The following ACVR2A variants were observed in gnomAD, a reference collection of about 807,000 sequenced individuals.
ACVR2A encodes the protein activin A receptor type 2A, also known as activin receptor type-2A.
In ACVR2A, 7 loss-of-function variants were observed where a neutral mutation model predicts 61.4. The observed-to-expected ratio is 0.11, with a 90% CI of 0.06 to 0.21. The LOEUF (loss-of-function observed/expected upper bound fraction) is 0.21, where lower values mean the gene tolerates loss of function less well. Ranked by LOEUF, ACVR2A falls within the 10% of genes least tolerant of loss-of-function variation. The probability of loss-of-function intolerance (pLI) is 1.00; values close to 1 mark genes in which losing one functional copy is unlikely to be tolerated. For synonymous variants in ACVR2A, 193 were observed against 208.3 expected (o/e 0.93, Z 0.63); for missense variants, 322 against 621.7 (o/e 0.52, Z 5.13).
chr2:147,858,536 C>A (rs1279951156), intron 1 of ACVR2A, among the ~76,000 whole-genome samples: 1 of 152,118 alleles, frequency 6.6e-6, no homozygotes, highest in Non-Finnish European at 1.5e-5. Flanking sequence ...CTTTTTATTC[C>A]TCTGAGCTTT....
At chr2:147,863,784 A>G (rs1177323378) in intron 1 of ACVR2A, among the ~76,000 whole-genome samples, 2 of 152,180 alleles carry the variant, frequency 1.3e-5, no homozygotes, top group East Asian at 3.9e-4. Context: ...GTAATTGTCC[A>G]TAGCTGCTTA....
At chr2:147,876,788 T>G (rs930043285) in intron 1 of ACVR2A, among the ~76,000 whole-genome samples, 10 of 152,158 alleles carry the variant, frequency 6.6e-5, no homozygotes, top group Admixed American at 6.6e-4. Context: ...GTCTTAAAAT[T>G]TAGTGGAAGG....
chr2:147,927,582 T>C lies in ACVR2A; in HGVS notation c.*308T>C, dbSNP rs1687533484. The C allele has an allele frequency of 4.8e-6, 1 of 208,262 alleles. No homozygotes were observed. The highest frequency in any genetic ancestry group is 9.5e-6 in the Non-Finnish European group (1 of 105,452). 12.9% of individuals were successfully genotyped at this position (208,262 alleles called of 1,614,324 possible). A position where few individuals can be genotyped will look rare whatever the true frequency, so the allele number is the denominator to read the frequency against. On this transcript the variant is annotated 3_prime_UTR_variant, in exon 11 of 11. Transcript: ENST00000241416. Reference sequence around the variant, plus strand: ...TTTTGGACCTGGCTAATGGAGTGTTTGAAAACTGACATCAGATTTCTTAAT... The same window carrying C: ...TTTTGGACCTGGCTAATGGAGTGTTCGAAAACTGACATCAGATTTCTTAAT...
At chr2:147,871,413 A>T (rs35745756) in intron 1 of ACVR2A, among the ~76,000 whole-genome samples, 1,960 of 152,260 alleles carry the variant, frequency 0.013, 13 homozygotes, top group South Asian at 0.03. Context: ...CTGAAGGGAC[A>T]TCAAGAAATA....
In ACVR2A at chr2:147,917,690, A is replaced by G. The variant is rs150142399; in HGVS notation, c.816+264A>G. On this transcript the variant is annotated intron_variant, in intron 6 of 10. Transcript: ENST00000241416. Reference sequence around the variant, plus strand: ...TATTTCTTGTGCTGTAATTACTCTTACAAACATTTATTTTAGTGTAGGTAA... The same window carrying G: ...TATTTCTTGTGCTGTAATTACTCTTGCAAACATTTATTTTAGTGTAGGTAA... Among the ~76,000 whole-genome samples the G allele has an allele frequency of 1.3e-3, 191 of 152,098 alleles. 1 individual carries two copies. The highest frequency in any genetic ancestry group is 4.2e-3 in the African/African-American group (175 of 41,558).
At position 147,929,158 on chromosome 2, in the gene ACVR2A, A is replaced by G. The variant is rs2105228942; in HGVS notation, c.*1884A>G. 1 of 152,392 alleles carries G rather than the reference A, an allele frequency of 6.6e-6. No homozygotes were observed. The highest frequency in any genetic ancestry group is 2.1e-4 in the South Asian group (1 of 4,828). The allele number at this position is 152,392 out of a possible 1,614,324, so 9.4% of individuals were successfully genotyped here. ...ATTCAGAACTGTCACGTGTGTCCCCATGGTCTCATTCATTGTATTCCTAGC... is the reference window on the plus strand; with the variant it reads ...ATTCAGAACTGTCACGTGTGTCCCCGTGGTCTCATTCATTGTATTCCTAGC... On this transcript the variant is annotated 3_prime_UTR_variant, in exon 11 of 11. Coordinates refer to ENST00000241416, the MANE Select transcript of ACVR2A (RefSeq NM_001616.5).
chr2:147,880,430 CA>C (rs1194489398), intron 1 of ACVR2A, among the ~76,000 whole-genome samples: 3 of 151,906 alleles, frequency 2.0e-5, no homozygotes, highest in East Asian at 1.9e-4. Context: ...AGTTTTAAGA[CA>C]AAAATCTACT....
In ACVR2A at chr2:147,929,646, A is replaced by ACTTT. The variant is rs1687608838; in HGVS notation, c.*2377_*2380dup. The ACTTT allele has an allele frequency of 6.6e-6, 1 of 152,368 alleles. No individual in the cohort carries two copies. The allele number at this position is 152,368 out of a possible 1,614,324, so 9.4% of individuals were successfully genotyped here. A position where few individuals can be genotyped will look rare whatever the true frequency, so the allele number is the denominator to read the frequency against. The stretch of plus-strand genomic sequence containing the variant: ...TGTCCTTATACCTAGTCTTGTTAAA[A>ACTTT]CTTTCTTTTGCAGGGTATTTAGTGT... On this transcript the variant is annotated 3_prime_UTR_variant, in exon 11 of 11. Transcript: ENST00000241416.
intron 4 of ACVR2A, among the ~76,000 whole-genome samples, chr2:147,900,971 A>T (rs1686859740): frequency 1.3e-5 from 2 of 152,088 alleles, no homozygotes; most frequent in African/African-American, 2.4e-5. Flanking sequence ...GATTCCCATA[A>T]TCCTTGTAAG....
intron 1 of ACVR2A, among the ~76,000 whole-genome samples, chr2:147,886,768 C>T (rs1186206882): frequency 6.8e-6 from 1 of 146,670 alleles, no homozygotes; most frequent in Non-Finnish European, 1.5e-5. Flanking sequence ...ACCCTAGTGG[C>T]ATCTTTTTTT....
At chr2:147,859,443 C>T (rs567401011) in intron 1 of ACVR2A, among the ~76,000 whole-genome samples, 2 of 150,154 alleles carry the variant, frequency 1.3e-5, no homozygotes, top group East Asian at 3.9e-4. Context: ...CTGCAGATTA[C>T]AGCCCATTTG....
At chr2:147,846,014 G>T (rs1003834773) in intron 1 of ACVR2A, among the ~76,000 whole-genome samples, 2 of 152,152 alleles carry the variant, frequency 1.3e-5, no homozygotes, top group African/African-American at 4.8e-5. Flanking sequence ...TTAGCTCAAG[G>T]TTGGGGGAAT....
chr2:147,882,241 G>T (rs1558801457), intron 1 of ACVR2A, among the ~76,000 whole-genome samples: 1 of 152,148 alleles, frequency 6.6e-6, no homozygotes, highest in Non-Finnish European at 1.5e-5. Flanking sequence ...TAATTTGTCA[G>T]GAATTAACAT....
intron 5 of ACVR2A, 34 bp from the exon 6 acceptor site, chr2:147,917,249 T>G: frequency 6.2e-7 from 1 of 1,602,520 alleles, no homozygotes; most frequent in Non-Finnish European, 8.5e-7. Context: ...CCTGTATTCC[T>G]TGTGTTCTTA....
chr2:147,849,366 T>A (rs1311322199), intron 1 of ACVR2A, among the ~76,000 whole-genome samples: 1 of 152,202 alleles, frequency 6.6e-6, no homozygotes, highest in Non-Finnish European at 1.5e-5. Flanking sequence ...CACTATTACA[T>A]GTTCCCTGAA....
chr2:147,918,539 A>G lies in ACVR2A; in HGVS notation c.909A>G (p.Leu303=), dbSNP rs775409219. The G allele has an allele frequency of 1.2e-6, 2 of 1,612,524 alleles. No homozygotes were observed. Among genetic ancestry groups the G allele is most frequent in the South Asian group, 2.2e-5 (2 of 90,962 alleles). ...CCATGGCTAGAGGATTGGCATATTT[A>G]CATGAGGATATACCTGGCCTAAAAG... ...AETMARGLAY[L]HEDIPGLKDG... is the part of the protein sequence containing the mutation. The change falls in exon 7 of 11, where the codon TTA becomes TTG. Residue 303 remains leucine (L), a synonymous_variant. Transcript: ENST00000241416.
At chr2:147,883,653 C>A (rs1022568175) in intron 1 of ACVR2A, among the ~76,000 whole-genome samples, 2 of 151,798 alleles carry the variant, frequency 1.3e-5, no homozygotes, top group African/African-American at 4.8e-5. Context: ...GATTCTATAT[C>A]CATTGTTATT....
intron 1 of ACVR2A, among the ~76,000 whole-genome samples, chr2:147,868,887 T>C (rs1402858743): frequency 6.6e-6 from 1 of 151,982 alleles, no homozygotes; most frequent in African/African-American, 2.4e-5. Context: ...CCTGTCTTGG[T>C]CCCTCAAAGT....
intron 4 of ACVR2A, among the ~76,000 whole-genome samples, chr2:147,911,282 A>G (rs1445603600): frequency 6.6e-6 from 1 of 152,072 alleles, no homozygotes; most frequent in Non-Finnish European, 1.5e-5. Context: ...TTAACTTGGG[A>G]TTAAACTGGA....
Sources: allele counts gnomAD v4.1 joint callset (sites outside exome capture counted in the v4.1 genomes callset), GRCh38; gene constraint gnomAD v4.1.1; transcripts MANE v1.5; gene names NCBI Gene and HGNC (gene_info 2026-07-23, HGNC 2026-07-21).